HTRA3: variants seen among roughly 807,000 people sequenced by gnomAD.
HTRA3 encodes serine protease HTRA3.
A neutral mutation model predicts 43.2 loss-of-function variants in HTRA3; 41 were observed. The observed-to-expected ratio is 0.95, with a 90% CI of 0.74 to 1.23. The LOEUF (loss-of-function observed/expected upper bound fraction) is 1.23, where lower values mean the gene tolerates loss of function less well. Ranked by LOEUF, HTRA3 falls within the 50% of genes most tolerant of loss-of-function variation. The pLI, the probability that HTRA3 is intolerant of heterozygous loss-of-function variation, is 0.00. For synonymous variants in HTRA3, 295 were observed against 287.9 expected, an observed-to-expected ratio of 1.02 and a Z score of -0.25; for missense variants, 628 against 647.1, an observed-to-expected ratio of 0.97 and a Z score of 0.32.
intron 1 of HTRA3, among the ~76,000 whole-genome samples, chr4:8,277,664 C>T (rs961764502): frequency 2.6e-5 from 4 of 152,200 alleles, no homozygotes; most frequent in Admixed American, 6.5e-5. Flanking sequence ...GAAGCAGAGC[C>T]GAGGTCCACA....
intron 1 of HTRA3, among the ~76,000 whole-genome samples, chr4:8,274,652 A>G (rs907580915): frequency 7.2e-5 from 11 of 152,224 alleles, no homozygotes; most frequent in African/African-American, 2.7e-4. Context: ...GCAGTTGCAC[A>G]GAGTGGATAA....
In HTRA3 at chr4:8,295,808, G is replaced by A; in HGVS notation, c.1051+1607G>A. The A allele has an allele frequency of 5.6e-6, 7 of 1,250,812 alleles. No individual in the cohort carries two copies. The highest frequency in any genetic ancestry group is 7.0e-6 in the Non-Finnish European group (7 of 996,034). 77.5% of individuals were successfully genotyped at this position (1,250,812 alleles called of 1,614,324 possible). Reference sequence around the variant, plus strand: ...GTGCAGCCAAGGCTGGTGCCATGAGGGCTGGTCACATGAAGAGCTGCTGTT... The same window carrying A: ...GTGCAGCCAAGGCTGGTGCCATGAGAGCTGGTCACATGAAGAGCTGCTGTT... On this transcript the variant is annotated intron_variant, in intron 6 of 8. Coordinates refer to ENST00000307358, the MANE Select transcript of HTRA3 (RefSeq NM_053044.5). The surrounding 1 kb of genome is among the most constrained non-coding windows in gnomAD (Gnocchi z 6.9).
chr4:8,282,282 G>T (rs1374632680), intron 1 of HTRA3, among the ~76,000 whole-genome samples, 155 bp from the exon 2 acceptor site: 1 of 152,196 alleles, frequency 6.6e-6, no homozygotes, highest in African/African-American at 2.4e-5. Flanking sequence ...GTGTGGTAGG[G>T]GGTCCCCAAC....
At chr4:8,273,851 G>C (rs933137216) in intron 1 of HTRA3, among the ~76,000 whole-genome samples, 1 of 146,404 alleles carries the variant, frequency 6.8e-6, no homozygotes, top group African/African-American at 2.8e-5. Context: ...TTGCAGCCCA[G>C]CTGTGTGGAT....
intron 5 of HTRA3, among the ~76,000 whole-genome samples, chr4:8,292,759 T>C (rs1713299039): frequency 6.6e-6 from 1 of 152,084 alleles, no homozygotes; most frequent in Admixed American, 6.5e-5. Flanking sequence ...TCATCCCAGG[T>C]GAGATTTTTC....
At chr4:8,277,509 A>G (rs923772479) in intron 1 of HTRA3, among the ~76,000 whole-genome samples, 3 of 152,188 alleles carry the variant, frequency 2.0e-5, no homozygotes, top group Non-Finnish European at 2.9e-5. Flanking sequence ...GGAGAGGTGG[A>G]TCACCACGCT....
In HTRA3 at chr4:8,270,031, T is replaced by A; in HGVS notation, c.63T>A (p.Pro21=). ...CGCTGGCGCTGGCCCGGGAGCCCCC[T>A]GCGGCGCCGTGTCCCGCGCGCTGCG... ...LAALALAREP[P]AAPCPARCDV... The change falls in exon 1 of 9, where the codon CCT becomes CCA. Residue 21 remains proline (P), a synonymous_variant. Transcript: ENST00000307358. 1 of 1,368,006 alleles carries A rather than the reference T, an allele frequency of 7.3e-7. No individual in the cohort carries two copies. Among genetic ancestry groups the A allele is most frequent in the Non-Finnish European group, 9.4e-7 (1 of 1,065,908 alleles). 84.7% of individuals were successfully genotyped at this position (1,368,006 alleles called of 1,614,324 possible).
intron 6 of HTRA3, among the ~76,000 whole-genome samples, chr4:8,301,067 C>CTCTTTATTATTGATTCACACCCA (rs1560143468): frequency 4.0e-5 from 6 of 151,456 alleles, no homozygotes; most frequent in East Asian, 3.9e-4. Flanking sequence ...TCGATTCACA[C>CTCTTTATTATTGATTCACACCCA]TCTTTATTAT....
At chr4:8,285,255 C>A (rs1187813201) in intron 2 of HTRA3, among the ~76,000 whole-genome samples, 1 of 152,224 alleles carries the variant, frequency 6.6e-6, no homozygotes, top group Non-Finnish European at 1.5e-5. Flanking sequence ...TAGGACTTGG[C>A]CGTATCTCTT....
intron 5 of HTRA3, 105 bp from the exon 6 acceptor site, chr4:8,293,982 C>T: frequency 1.4e-6 from 1 of 710,112 alleles, no homozygotes; most frequent in Non-Finnish European, 2.4e-6. Context: ...GGGGGATTGA[C>T]AGCTGGGGTC....
At chr4:8,304,879 G>A (rs1380756005) in intron 8 of HTRA3, among the ~76,000 whole-genome samples, 9 of 152,164 alleles carry the variant, frequency 5.9e-5, no homozygotes, top group Admixed American at 2.0e-4. Flanking sequence ...GGCTAGTCTT[G>A]AACTGCTGAC....
chr4:8,279,155 CTG>C lies in HTRA3; in HGVS notation c.386-3279_386-3278del, dbSNP rs905865738. ...ACGTGCGGGCTTCTCTTTGGAGACT[CTG>C]TGGGAAACAGGCCACCTCCCAGCCC... On this transcript the variant is annotated intron_variant, in intron 1 of 8. Transcript: ENST00000307358. The surrounding 1 kb of genome is among the most constrained non-coding windows in gnomAD (Gnocchi z 7.4). Among the ~76,000 whole-genome samples the C allele has an allele frequency of 2.0e-5, 3 of 152,028 alleles. No individual in the cohort carries two copies. Among genetic ancestry groups the C allele is most frequent in the African/African-American group, 7.2e-5 (3 of 41,420 alleles).
At position 8,293,404 on chromosome 4, in the gene HTRA3, C is replaced by T. The variant is rs557918960; in HGVS notation, c.937-683C>T. 5.3e-5 allele frequency among the ~76,000 whole-genome samples: 8 copies of T among 152,302 alleles called. No individual in the cohort carries two copies. The South Asian group carries it at 1.7e-3, about 32-fold the overall frequency. On this transcript the variant is annotated intron_variant, in intron 5 of 8. Transcript: ENST00000307358. ...TCCTGCCTCCTGAGCTTCCAGGGAC[C>T]AGGAGGACAAAGGGTGCCTTGACCC...
At chr4:8,302,437 G>A (rs371498071) in intron 6 of HTRA3, 26 bp from the exon 7 acceptor site, 34 of 1,612,718 alleles carry the variant, frequency 2.1e-5, no homozygotes, top group East Asian at 1.3e-4. Flanking sequence ...CAGCCCTAAC[G>A]GAGTCTCGCC....
chr4:8,296,406 A>G lies in HTRA3; in HGVS notation c.1051+2205A>G, dbSNP rs1713458826. The G allele has an allele frequency of 2.0e-6, 2 of 985,406 alleles. No individual in the cohort carries two copies. The allele number at this position is 985,406 out of a possible 1,614,324, so 61.0% of individuals were successfully genotyped here. A position where few individuals can be genotyped will look rare whatever the true frequency, so the allele number is the denominator to read the frequency against. On this transcript the variant is annotated intron_variant, in intron 6 of 8. Transcript: ENST00000307358. The surrounding 1 kb of genome is among the most constrained non-coding windows in gnomAD (Gnocchi z 5.3). ...TGCATGGCACACTTGCAATTTTAAA[A>G]TCCTTCTGAAGTTGACTGGTGTTTG... is the stretch of plus-strand genomic sequence containing the variant.
chr4:8,296,191 T>C lies in HTRA3; in HGVS notation c.1051+1990T>C. 1 of 986,538 alleles carries C rather than the reference T, an allele frequency of 1.0e-6. No homozygotes were observed. The highest frequency in any genetic ancestry group is 1.2e-6 in the Non-Finnish European group (1 of 830,708). 61.1% of individuals were successfully genotyped at this position (986,538 alleles called of 1,614,324 possible). On this transcript the variant is annotated intron_variant, in intron 6 of 8. Coordinates refer to ENST00000307358, the MANE Select transcript of HTRA3 (RefSeq NM_053044.5). The surrounding 1 kb of genome is among the most constrained non-coding windows in gnomAD (Gnocchi z 5.3). ...AAGTGGATGATAGTGTCCTCTTCCC[T>C]TCTTGCCTCTCTCTTTCTCCTGAGA...
At position 8,270,367 on chromosome 4, in the gene HTRA3, G is replaced by A. The variant is rs1712217454; in HGVS notation, c.385+14G>A. 7.2e-7 allele frequency: 1 copy of A among 1,389,132 alleles called. No individual in the cohort carries two copies. Among genetic ancestry groups the A allele is most frequent in the South Asian group, 1.5e-5 (1 of 64,754 alleles). The allele number at this position is 1,389,132 out of a possible 1,614,324, so 86.1% of individuals were successfully genotyped here. On this transcript the variant is annotated intron_variant, in intron 1 of 8. Transcript: ENST00000307358. ...CCTGCCCGTTGGGTAAGCGCTCGGG[G>A]GCCAGGGAGGAAGTGAAGCTTCTTT... is the stretch of plus-strand genomic sequence containing the variant.
intron 1 of HTRA3, among the ~76,000 whole-genome samples, chr4:8,273,046 T>C (rs1477165818): frequency 6.6e-6 from 1 of 152,162 alleles, no homozygotes; most frequent in Non-Finnish European, 1.5e-5. Flanking sequence ...GCAAGCCTGG[T>C]CCTTTCCCAG....
At position 8,297,333 on chromosome 4, in the gene HTRA3, C is replaced by A. The variant is rs1713490718; in HGVS notation, c.1051+3132C>A. ...GAGTCGTGCTTTCCCCAGCTCTGGC[C>A]CAGGGGCATTACCAGGCCTCTGCTT... On this transcript the variant is annotated intron_variant, in intron 6 of 8. Transcript: ENST00000307358. The surrounding 1 kb of genome is among the most constrained non-coding windows in gnomAD (Gnocchi z 5.8). Among the ~76,000 whole-genome samples, 1 of 152,090 alleles carries A rather than the reference C, an allele frequency of 6.6e-6. No homozygotes were observed. The highest frequency in any genetic ancestry group is 1.5e-5 in the Non-Finnish European group (1 of 68,030).
Sources: allele counts gnomAD v4.1 joint callset (sites outside exome capture counted in the v4.1 genomes callset), GRCh38; gene constraint gnomAD v4.1.1; non-coding constraint Gnocchi (gnomAD v3.1); transcripts MANE v1.5; gene names NCBI Gene and HGNC (gene_info 2026-07-23, HGNC 2026-07-21).